Variants in CFAP61 observed in about 807,000 individuals in gnomAD.
The protein encoded by CFAP61 is cilia and flagella associated protein 61.
In CFAP61, 107 loss-of-function variants were observed where a neutral mutation model predicts 135.6. The observed-to-expected ratio is 0.79, with a 90% CI of 0.67 to 0.93. The LOEUF (loss-of-function observed/expected upper bound fraction) is 0.93, where lower values mean the gene tolerates loss of function less well. CFAP61 is among the 40% of genes least tolerant of loss of function. The pLI, the probability that CFAP61 is intolerant of heterozygous loss-of-function variation, is 0.00. For synonymous variants in CFAP61, 575 were observed against 578.5 expected, an observed-to-expected ratio of 0.99 and a Z score of 0.09; for missense variants, 1,507 against 1,556.2, an observed-to-expected ratio of 0.97 and a Z score of 0.53.
At chr20:20,333,772 A>G (rs918158700) in intron 25 of CFAP61, among the ~76,000 whole-genome samples, 2 of 152,202 alleles carry the variant, frequency 1.3e-5, no homozygotes, top group African/African-American at 4.8e-5. Flanking sequence ...GTGGCAGGGA[A>G]TTTCTGGTCC....
At chr20:20,176,472 T>C (rs1458346201) in intron 13 of CFAP61, among the ~76,000 whole-genome samples, 1 of 152,104 alleles carries the variant, frequency 6.6e-6, no homozygotes, top group Non-Finnish European at 1.5e-5. Context: ...ATAGACTGGA[T>C]AAAGAAAATG....
chr20:20,156,336 A>G (rs984821216), intron 9 of CFAP61, among the ~76,000 whole-genome samples: 1 of 152,176 alleles, frequency 6.6e-6, no homozygotes, highest in Admixed American at 6.5e-5. Context: ...TATAAAAGAC[A>G]TTTGAAAATC....
At chr20:20,309,385 C>A (rs148462513) in intron 25 of CFAP61, among the ~76,000 whole-genome samples, 2 of 152,108 alleles carry the variant, frequency 1.3e-5, no homozygotes, top group African/African-American at 2.4e-5. Flanking sequence ...AGGGGAACTG[C>A]GATTTCCTCC....
In CFAP61 at chr20:20,298,400, T is replaced by C; in HGVS notation, c.3422+14T>C. On this transcript the variant is annotated intron_variant, in intron 25 of 26. Transcript: ENST00000245957. Reference sequence around the variant, plus strand: ...AGATCTCTATAGGTGAGTTGGACATTGCATTTGACTACAGGGAAATACAAA... The same window carrying C: ...AGATCTCTATAGGTGAGTTGGACATCGCATTTGACTACAGGGAAATACAAA... The C allele has an allele frequency of 6.3e-7, 1 of 1,596,426 alleles. No individual in the cohort carries two copies.
At chr20:20,322,005 C>T (rs547090691) in intron 25 of CFAP61, among the ~76,000 whole-genome samples, 16 of 152,302 alleles carry the variant, frequency 1.1e-4, no homozygotes. Context: ...AGAAGTCTAA[C>T]TATCCTCAGA....
At chr20:20,168,021 A>G (rs2053959095) in intron 12 of CFAP61, among the ~76,000 whole-genome samples, 1 of 152,172 alleles carries the variant, frequency 6.6e-6, no homozygotes, top group African/African-American at 2.4e-5. Flanking sequence ...GCCACAAGGA[A>G]AAAAAAGAAA....
chr20:20,348,907 C>G (rs1311581105), intron 26 of CFAP61, among the ~76,000 whole-genome samples: 1 of 151,348 alleles, frequency 6.6e-6, no homozygotes, highest in Non-Finnish European at 1.5e-5. Context: ...ATTACTGAAA[C>G]CTGAATTCTT....
chr20:20,354,909 TGAGGGGAGGTGGTCACACTGTGA>T (rs2058997870), intron 26 of CFAP61, among the ~76,000 whole-genome samples: 1 of 37,072 alleles, frequency 2.7e-5, no homozygotes, highest in Admixed American at 3.7e-4. Context: ...GTGGTCACAC[TGAGGGGAGGTGGTCACACTGTGA>T]GAGGGGAGGT....
At chr20:20,159,485 C>T in intron 10 of CFAP61, 41 bp downstream of exon 10, 2 of 1,541,294 alleles carry the variant, frequency 1.3e-6, no homozygotes, top group Non-Finnish European at 1.8e-6. Flanking sequence ...TCTAGCCACC[C>T]CATGGGTTTC....
intron 22 of CFAP61, among the ~76,000 whole-genome samples, chr20:20,284,780 T>A (rs2054460553): frequency 6.6e-6 from 1 of 152,214 alleles, no homozygotes; most frequent in African/African-American, 2.4e-5. Flanking sequence ...ATATCTTACA[T>A]CTACAAACAC....
At chr20:20,060,651 C>G (rs944572727) in intron 2 of CFAP61, among the ~76,000 whole-genome samples, 4 of 152,324 alleles carry the variant, frequency 2.6e-5, no homozygotes, top group African/African-American at 4.8e-5. Flanking sequence ...CTGTCACTTA[C>G]GCCTTTGTGT....
intron 7 of CFAP61, among the ~76,000 whole-genome samples, chr20:20,097,835 A>G (rs2146634624): frequency 6.6e-6 from 1 of 152,334 alleles, no homozygotes; most frequent in East Asian, 1.9e-4. Flanking sequence ...TATCCAGTTA[A>G]TAAATAAGTG....
chr20:20,323,396 C>G, intron 25 of CFAP61: 1 of 682,848 alleles, frequency 1.5e-6, no homozygotes, highest in Non-Finnish European at 1.8e-6. Context: ...TGCCCAGAAA[C>G]CAAATAATAG....
intron 18 of CFAP61, among the ~76,000 whole-genome samples, chr20:20,229,649 C>A (rs2048989936): frequency 6.6e-6 from 1 of 152,110 alleles, no homozygotes; most frequent in South Asian, 2.1e-4. Flanking sequence ...GAGCTAATCC[C>A]AAGTGGTTAT....
At chr20:20,285,815 G>A (rs1024054462) in intron 22 of CFAP61, among the ~76,000 whole-genome samples, 2 of 151,722 alleles carry the variant, frequency 1.3e-5, no homozygotes, top group African/African-American at 4.8e-5. Flanking sequence ...AGCTACATGG[G>A]GGGGCTGAGG....
chr20:20,096,290 C>G (rs1465975562), intron 7 of CFAP61, among the ~76,000 whole-genome samples: 1 of 152,230 alleles, frequency 6.6e-6, no homozygotes, highest in Non-Finnish European at 1.5e-5. Flanking sequence ...TATGTCCTTG[C>G]TCTGTTGTAG....
chr20:20,253,812 G>A (rs1184510043), intron 20 of CFAP61: 1 of 202,624 alleles, frequency 4.9e-6, no homozygotes, highest in African/African-American at 2.4e-5. Context: ...ATTTGCCTGA[G>A]TTCACATTTC....
At chr20:20,115,596 A>C (rs188140930) in intron 8 of CFAP61, among the ~76,000 whole-genome samples, 39 of 152,004 alleles carry the variant, frequency 2.6e-4, no homozygotes, top group African/African-American at 9.4e-4. Flanking sequence ...ACCCCACTCC[A>C]CTGTTCTTCC....
chr20:20,239,924 A>G (rs1327904), intron 18 of CFAP61, among the ~76,000 whole-genome samples: 3 of 151,846 alleles, frequency 2.0e-5, no homozygotes, highest in African/African-American at 7.3e-5. Flanking sequence ...ATAGGAGGGG[A>G]GGGTTGTGGG....
Sources: allele counts gnomAD v4.1 joint callset (sites outside exome capture counted in the v4.1 genomes callset), GRCh38; gene constraint gnomAD v4.1.1; transcripts MANE v1.5; gene names NCBI Gene and HGNC (gene_info 2026-07-23, HGNC 2026-07-21).